The following FGD6 variants were observed in gnomAD, a reference collection of about 807,000 sequenced individuals.
FGD6 encodes the protein FYVE, RhoGEF and PH domain-containing protein 6.
Under a neutral mutation model 149.4 loss-of-function variants are expected in FGD6, and 90 were observed. The observed-to-expected ratio is 0.60, with a 90% CI of 0.51 to 0.72. FGD6 has a LOEUF of 0.72. Ranked by LOEUF, FGD6 falls within the 30% of genes least tolerant of loss-of-function variation. The pLI is 0.00. For synonymous variants in FGD6, 527 were observed against 584.0 expected, an observed-to-expected ratio of 0.90 and a Z score of 1.41; for missense variants, 1,437 against 1,684.8, an observed-to-expected ratio of 0.85 and a Z score of 2.57.
rs1565897778 is a variant in FGD6, at chr12:95,107,884, CGTGT to C, written c.3265-257_3265-254del. On this transcript the variant is annotated intron_variant, in intron 11 of 20. Coordinates refer to ENST00000343958, the MANE Select transcript of FGD6 (RefSeq NM_018351.4). Reference sequence around the variant, plus strand: ...ATGGAGGCACATGTAATTGACTGAGCGTGTACTTGATCCTGAAGCATACCCAACA... The same window carrying C: ...ATGGAGGCACATGTAATTGACTGAGCACTTGATCCTGAAGCATACCCAACA... 6.6e-5 allele frequency among the ~76,000 whole-genome samples: 10 copies of C among 152,208 alleles called. No individual in the cohort carries two copies. In the East Asian group the frequency reaches 1.5e-3, roughly 23 times the overall value.
At chr12:95,088,052 T>C (rs1877935573) in intron 18 of FGD6, among the ~76,000 whole-genome samples, 1 of 152,204 alleles carries the variant, frequency 6.6e-6, no homozygotes, top group Non-Finnish European at 1.5e-5. Flanking sequence ...GCTCAAAATA[T>C]ATTACATTTC....
intron 2 of FGD6, among the ~76,000 whole-genome samples, chr12:95,206,914 T>TTAAAGGAAC (rs1026007404): frequency 2.0e-5 from 3 of 151,878 alleles, no homozygotes; most frequent in African/African-American, 7.3e-5. Flanking sequence ...TACCTGACAG[T>TTAAAGGAAC]TAAAGGAACT....
intron 2 of FGD6, among the ~76,000 whole-genome samples, chr12:95,191,613 TC>T (rs57713585): frequency 0.011 from 1,720 of 152,294 alleles, 40 homozygotes; most frequent in African/African-American, 0.04. Flanking sequence ...TACATAGTTG[TC>T]CCTGGGTATC....
chr12:95,199,011 T>G (rs1881798357), intron 2 of FGD6, among the ~76,000 whole-genome samples: 1 of 152,226 alleles, frequency 6.6e-6, no homozygotes, highest in South Asian at 2.1e-4. Context: ...GTGTGGGGCC[T>G]CCTTCCTCAC....
rs397687285 is a variant in FGD6, at chr12:95,122,645, CAAAAAAAAAAAAA to C, written c.3083-8957_3083-8945del. 9.3e-5 allele frequency among the ~76,000 whole-genome samples: 6 copies of C among 64,430 alleles called. No homozygotes were observed. The Admixed American group carries it at 1.1e-3, about 12-fold the overall frequency. The allele number at this position is 64,430 out of a possible 152,430, so 42.3% of individuals were successfully genotyped here. A position where few individuals can be genotyped will look rare whatever the true frequency, so the allele number is the denominator to read the frequency against. On this transcript the variant is annotated intron_variant, in intron 8 of 20. Transcript: ENST00000343958. ...TGGGCAACAGAGCGAGACTCAGTCT[CAAAAAAAAAAAAA>C]AAAAAAAAAAAGGCTCTGGCCTTTG... is the stretch of plus-strand genomic sequence containing the variant.
At chr12:95,194,138 TG>T (rs1881674673) in intron 2 of FGD6, among the ~76,000 whole-genome samples, 1 of 151,926 alleles carries the variant, frequency 6.6e-6, no homozygotes. Flanking sequence ...TTGCCCAGGT[TG>T]GTTTTGAACT....
At chr12:95,163,044 T>A (rs545652627) in intron 3 of FGD6, among the ~76,000 whole-genome samples, 1 of 152,290 alleles carries the variant, frequency 6.6e-6, no homozygotes, top group African/African-American at 2.4e-5. Flanking sequence ...TATAACCAGG[T>A]TAGTTCTCAG....
rs2056657180 is a variant in FGD6 at position 95,201,071 on chromosome 12, A to C, written c.2441+7772T>G. 2.6e-5 allele frequency among the ~76,000 whole-genome samples: 4 copies of C among 151,948 alleles called. No individual in the cohort carries two copies. In the South Asian group the frequency reaches 8.3e-4, roughly 32 times the overall value. On this transcript the variant is annotated intron_variant, in intron 2 of 20. Coordinates refer to ENST00000343958, the MANE Select transcript of FGD6 (RefSeq NM_018351.4). ...GCTTCCCTAAAGACCAAATTTATCT[A>C]TGCGATTCCAGGAATAGATAATGAA... is the stretch of plus-strand genomic sequence containing the variant.
chr12:95,214,807 C>A lies in FGD6; in HGVS notation c.16+2418G>T, dbSNP rs1018418883. ...ATGAAGACAGTGACCTGTACATGTT[C>A]AAAAGGACACAAAATATATACCTAT... is the stretch of plus-strand genomic sequence containing the variant. On this transcript the variant is annotated intron_variant, in intron 1 of 20. Transcript: ENST00000343958. Among the ~76,000 whole-genome samples, 3 of 150,636 alleles carry A rather than the reference C, an allele frequency of 2.0e-5. No homozygotes were observed. In the South Asian group the frequency reaches 6.3e-4, roughly 32 times the overall value.
chr12:95,210,859 A>G lies in FGD6; in HGVS notation c.425T>C (p.Leu142Ser). The G allele has an allele frequency of 6.2e-7, 1 of 1,610,382 alleles. No individual in the cohort carries two copies. The highest frequency in any genetic ancestry group is 8.5e-7 in the Non-Finnish European group (1 of 1,179,214). The change falls in exon 2 of 21, where the codon TTA (leucine) becomes TCA (serine). Residue 142 changes from leucine to serine, a missense_variant. Transcript: ENST00000343958. The stretch of plus-strand genomic sequence containing the variant: ...AGTCTCATCAATTTTACTGTTTTCT[A>G]AATTTTCATTCATTTCCAGGGGCTC... ...VLEPLEMNENLENSKIDETLT... is the reference protein window; with the variant it reads ...VLEPLEMNENSENSKIDETLT...
chr12:95,108,934 A>G (rs1048293404), intron 9 of FGD6, among the ~76,000 whole-genome samples: 1 of 152,220 alleles, frequency 6.6e-6, no homozygotes, highest in Non-Finnish European at 1.5e-5. Flanking sequence ...GAAGATAAGG[A>G]CCAGCCCAGT....
intron 2 of FGD6, among the ~76,000 whole-genome samples, chr12:95,185,937 T>C (rs765251781): frequency 2.0e-5 from 3 of 152,144 alleles, no homozygotes; most frequent in East Asian, 3.9e-4. Context: ...ATATCTGTTA[T>C]ATGCAATGGA....
chr12:95,106,924 AAAAAC>A, intron 13 of FGD6, 25 bp downstream of exon 13: 2 of 1,171,814 alleles, frequency 1.7e-6, no homozygotes, highest in Non-Finnish European at 2.4e-6. Context: ...AAACAAAACA[AAAAAC>A]AAAACATCTA....
intron 12 of FGD6, 139 bp from the exon 13 acceptor site, chr12:95,107,176 A>G (rs1177390616): frequency 9.4e-6 from 6 of 635,426 alleles, no homozygotes; most frequent in Middle Eastern, 6.6e-4. Flanking sequence ...ATTCTGCTAT[A>G]TACACTAGAA....
chr12:95,138,314 C>T (rs577568886), intron 6 of FGD6, among the ~76,000 whole-genome samples: 78 of 152,142 alleles, frequency 5.1e-4, no homozygotes, highest in Middle Eastern at 3.4e-3. Flanking sequence ...GAGGCCGAGA[C>T]GGGCAGATTA....
chr12:95,203,147 A>G (rs1233254876), intron 2 of FGD6, among the ~76,000 whole-genome samples: 2 of 152,188 alleles, frequency 1.3e-5, no homozygotes, highest in Non-Finnish European at 2.9e-5. Context: ...CAGCTCTTCA[A>G]GACCAGTCTC....
chr12:95,092,004 T>G (rs1286795500), intron 16 of FGD6, among the ~76,000 whole-genome samples, 195 bp from the exon 17 acceptor site: 1 of 152,134 alleles, frequency 6.6e-6, no homozygotes, highest in Non-Finnish European at 1.5e-5. Context: ...ACTTGAAAGA[T>G]GAAGGGGCCA....
intron 1 of FGD6, among the ~76,000 whole-genome samples, chr12:95,214,861 CTTTTTTTTTT>C (rs1171146305): frequency 5.4e-5 from 7 of 129,218 alleles, no homozygotes; most frequent in Non-Finnish European, 9.9e-5. Flanking sequence ...CTCCTTTTTT[CTTTTTTTTTT>C]TTTTTTTTTG....
intron 20 of FGD6, among the ~76,000 whole-genome samples, chr12:95,083,012 A>AAAT (rs68032073): frequency 1.4e-3 from 28 of 20,018 alleles, no homozygotes; most frequent in Non-Finnish European, 2.1e-3. Flanking sequence ...AAAAAAAAAA[A>AAAT]ATATATATAT....
Sources: gnomAD v4.1 joint callset for allele counts (sites outside exome capture counted in the v4.1 genomes callset) on GRCh38, gnomAD v4.1.1 for gene constraint, MANE v1.5 for transcripts, NCBI Gene and HGNC (gene_info 2026-07-23, HGNC 2026-07-21) for gene names.